PTPRD: variants seen among roughly 807,000 people sequenced by gnomAD.
The protein encoded by PTPRD is protein tyrosine phosphatase receptor type D.
In PTPRD, 34 loss-of-function variants were observed where a neutral mutation model predicts 214.5. That is an observed-to-expected ratio of 0.16 (90% CI 0.12 to 0.21). The LOEUF is 0.21. PTPRD is among the 10% of genes least tolerant of loss of function. The probability of loss-of-function intolerance (pLI) is 1.00; values close to 1 mark genes in which losing one functional copy is unlikely to be tolerated. For missense variants in PTPRD, 2,545 were observed against 2,398.7 expected, an observed-to-expected ratio of 1.06 and a Z score of -1.27; for synonymous variants, 1,128 against 845.7, an observed-to-expected ratio of 1.33 and a Z score of -5.79.
chr9:8,978,849 C>T (rs147897884), intron 11 of PTPRD, among the ~76,000 whole-genome samples: 75 of 152,284 alleles, frequency 4.9e-4, no homozygotes, highest in African/African-American at 1.7e-3. Context: ...CTATATCTTA[C>T]CTGCTTCACT....
rs994612846 is a variant in PTPRD at position 8,342,123 on chromosome 9, T to C, written c.4662-145A>G. ...CTATTGGGATGACTTTGTAATACTC[T>C]AAAGTCAAAAGTATTATCTAGGCAC... is the stretch of plus-strand genomic sequence containing the variant. On this transcript the variant is annotated intron_variant, in intron 39 of 45. Coordinates refer to ENST00000381196, the MANE Select transcript of PTPRD (RefSeq NM_002839.4). 12 of 824,076 alleles carry C rather than the reference T, an allele frequency of 1.5e-5. No homozygotes were observed. In the Admixed American group the frequency reaches 1.6e-4, roughly 11 times the overall value. 51.0% of individuals were successfully genotyped at this position (824,076 alleles called of 1,614,324 possible).
In PTPRD at chr9:9,530,375, T is replaced by G. The variant is rs186837365; in HGVS notation, c.-237+44357A>C. On this transcript the variant is annotated intron_variant, in intron 8 of 45. Coordinates refer to ENST00000381196, the MANE Select transcript of PTPRD (RefSeq NM_002839.4). ...TTATGAGCAACTATACACTAAGAAA[T>G]TGGAACACATAGAGGAAATGGATAA... is the stretch of plus-strand genomic sequence containing the variant. Among the ~76,000 whole-genome samples, 230 of 151,956 alleles carry G rather than the reference T, an allele frequency of 1.5e-3. 2 individuals are homozygous for G. Among genetic ancestry groups the G allele is most frequent in the African/African-American group, 5.3e-3 (220 of 41,454 alleles).
chr9:9,418,403 T>C (rs748910363), intron 8 of PTPRD, among the ~76,000 whole-genome samples: 10 of 151,976 alleles, frequency 6.6e-5, no homozygotes, highest in Non-Finnish European at 1.3e-4. Flanking sequence ...GATTTAAATA[T>C]CTCTTGCACC....
chr9:10,364,554 A>T (rs1344364112), intron 2 of PTPRD, among the ~76,000 whole-genome samples: 1 of 152,226 alleles, frequency 6.6e-6, no homozygotes, highest in East Asian at 1.9e-4. Flanking sequence ...TGCATTTCTT[A>T]GAAAAATATA....
chr9:9,339,901 T>C (rs910302396), intron 9 of PTPRD, among the ~76,000 whole-genome samples: 1 of 152,154 alleles, frequency 6.6e-6, no homozygotes, highest in Non-Finnish European at 1.5e-5. Flanking sequence ...CCAATATATA[T>C]AATCATAAAT....
chr9:9,189,826 G>A (rs1206137674), intron 9 of PTPRD, among the ~76,000 whole-genome samples: 2 of 151,930 alleles, frequency 1.3e-5, no homozygotes, highest in Admixed American at 6.6e-5. Context: ...GTTGTTTTCT[G>A]GGCTGTTCAT....
intron 12 of PTPRD, among the ~76,000 whole-genome samples, chr9:8,726,978 A>T (rs991478965): frequency 3.3e-5 from 5 of 151,912 alleles, no homozygotes; most frequent in African/African-American, 1.2e-4. Context: ...TGTCTCAAAA[A>T]AGAAAGGGAA....
At chr9:10,133,326 G>A (rs535835286) in intron 3 of PTPRD, among the ~76,000 whole-genome samples, 15 of 152,264 alleles carry the variant, frequency 9.9e-5, no homozygotes, top group Admixed American at 8.5e-4. Flanking sequence ...ATTGCAGAAA[G>A]TACACCAAAT....
At chr9:9,177,302 C>T (rs932559634) in intron 10 of PTPRD, among the ~76,000 whole-genome samples, 2 of 152,036 alleles carry the variant, frequency 1.3e-5, no homozygotes, top group African/African-American at 2.4e-5. Context: ...ATTACCTCCA[C>T]CTGGCCTCTC....
intron 11 of PTPRD, among the ~76,000 whole-genome samples, chr9:9,002,311 G>A (rs1022406227): frequency 6.6e-6 from 1 of 151,862 alleles, no homozygotes; most frequent in Non-Finnish European, 1.5e-5. Context: ...ATTAAGAAAT[G>A]CAACGTACAA....
In PTPRD at chr9:8,553,517, T is replaced by G. The variant is rs2082737028; in HGVS notation, c.353-24738A>C. On this transcript the variant is annotated intron_variant, in intron 14 of 45. Coordinates refer to ENST00000381196, the MANE Select transcript of PTPRD (RefSeq NM_002839.4). ...TATTTATCAGTCGTTTACTGGACAC[T>G]TACCCTATGCAATCAACTACACTAT... 2.6e-5 allele frequency among the ~76,000 whole-genome samples: 4 copies of G among 152,158 alleles called. No individual in the cohort carries two copies. The South Asian group carries it at 6.2e-4, about 24-fold the overall frequency.
At chr9:9,417,309 G>C (rs2077281247) in intron 8 of PTPRD, among the ~76,000 whole-genome samples, 2 of 152,048 alleles carry the variant, frequency 1.3e-5, no homozygotes, top group African/African-American at 2.4e-5. Flanking sequence ...GATTGATATA[G>C]ATTCATTCCA....
Position 8,369,760 on chromosome 9 carries a change from A to G in PTPRD, c.4661+6176T>C, listed in dbSNP as rs1745707804. The stretch of plus-strand genomic sequence containing the variant: ...GAGTTAATGTGACATAAGATTTAGT[A>G]TCATGGGTCAAGGTTTTATAACTGA... On this transcript the variant is annotated intron_variant, in intron 39 of 45. Coordinates refer to ENST00000381196, the MANE Select transcript of PTPRD (RefSeq NM_002839.4). Among the ~76,000 whole-genome samples the G allele has an allele frequency of 2.6e-5, 4 of 152,024 alleles. No individual in the cohort carries two copies. In the South Asian group the frequency reaches 6.2e-4, roughly 24 times the overall value.
chr9:9,086,452 T>C (rs2099767147), intron 10 of PTPRD, among the ~76,000 whole-genome samples: 1 of 152,208 alleles, frequency 6.6e-6, no homozygotes, highest in South Asian at 2.1e-4. Flanking sequence ...GATTTCTGTC[T>C]CACATCACCC....
chr9:10,406,256 A>G (rs1410940771), intron 2 of PTPRD, among the ~76,000 whole-genome samples: 1 of 151,468 alleles, frequency 6.6e-6, no homozygotes, highest in Admixed American at 6.6e-5. Flanking sequence ...AAAAAGAGAA[A>G]ATTTTATTAG....
At chr9:8,565,223 G>A (rs13285747) in intron 14 of PTPRD, among the ~76,000 whole-genome samples, 24,089 of 152,060 alleles carry the variant, frequency 0.16, 2,260 homozygotes, top group South Asian at 0.26. Context: ...CTGGAGGACC[G>A]GGGAGTTTAC....
At chr9:9,575,820 G>C (rs893939017) in intron 7 of PTPRD, among the ~76,000 whole-genome samples, 2 of 143,170 alleles carry the variant, frequency 1.4e-5, no homozygotes, top group Non-Finnish European at 1.5e-5. Flanking sequence ...CTTTGTAAAA[G>C]TTTTCTCATT....
chr9:10,208,292 A>G (rs1295709039), intron 3 of PTPRD, among the ~76,000 whole-genome samples: 2 of 152,188 alleles, frequency 1.3e-5, no homozygotes, highest in East Asian at 3.9e-4. Context: ...AGGAGGGCGG[A>G]TCACGAGGTC....
chr9:8,518,491 T>C lies in PTPRD; in HGVS notation c.962-62A>G, dbSNP rs1592588944. 3 of 1,142,038 alleles carry C rather than the reference T, an allele frequency of 2.6e-6. No individual in the cohort carries two copies. The East Asian group carries it at 7.2e-5, about 27-fold the overall frequency. 70.7% of individuals were successfully genotyped at this position (1,142,038 alleles called of 1,614,324 possible). ...TCATCCCTATAATATTTCAAAAATC[T>C]ATAAACTCTACTATGAAAATGACAG... On this transcript the variant is annotated intron_variant, in intron 20 of 45. Transcript: ENST00000381196.
Sources: gnomAD v4.1 joint callset for allele counts (sites outside exome capture counted in the v4.1 genomes callset) on GRCh38, gnomAD v4.1.1 for gene constraint, MANE v1.5 for transcripts, NCBI Gene and HGNC (gene_info 2026-07-23, HGNC 2026-07-21) for gene names.